SSBP3: variants seen among roughly 807,000 people sequenced by gnomAD.
SSBP3 encodes single stranded DNA binding protein 3.
SSBP3 carries 5 observed loss-of-function variants against 69.6 expected under a neutral mutation model. The ratio of observed to expected loss-of-function variants is 0.07; its 90% confidence interval spans 0.04 to 0.15. The LOEUF (loss-of-function observed/expected upper bound fraction) is 0.15. Ranked by LOEUF, SSBP3 falls within the 10% of genes least tolerant of loss-of-function variation. SSBP3 has a pLI of 1.00. For missense variants in SSBP3, 312 were observed against 534.0 expected, an observed-to-expected ratio of 0.58 and a Z score of 4.10; for synonymous variants, 196 against 193.4, an observed-to-expected ratio of 1.01 and a Z score of -0.11.
intron 4 of SSBP3, among the ~76,000 whole-genome samples, chr1:54,341,568 G>A (rs1404780467): frequency 2.0e-5 from 3 of 152,090 alleles, no homozygotes; most frequent in Non-Finnish European, 4.4e-5. Flanking sequence ...GGATGACCAA[G>A]GGCAAAAGTG....
chr1:54,268,820 C>T (rs775709812), intron 5 of SSBP3, among the ~76,000 whole-genome samples: 3 of 152,160 alleles, frequency 2.0e-5, no homozygotes, highest in Non-Finnish European at 4.4e-5. Flanking sequence ...CACAGTCACA[C>T]GGGCAGGTGC....
chr1:54,343,866 CAGG>C (rs770889072), intron 4 of SSBP3, among the ~76,000 whole-genome samples: 3 of 152,146 alleles, frequency 2.0e-5, no homozygotes, highest in East Asian at 3.8e-4. Flanking sequence ...AGCTTTGGAC[CAGG>C]AGAAGGGGCT....
At chr1:54,320,548 GAC>G (rs1646193402) in intron 4 of SSBP3, among the ~76,000 whole-genome samples, 1 of 151,988 alleles carries the variant, frequency 6.6e-6, no homozygotes, top group Admixed American at 6.6e-5. Flanking sequence ...TTGATCTCCT[GAC>G]CTCGTGATCC....
chr1:54,294,159 A>AAAAAAGAAAGAAAG (rs754650225), intron 4 of SSBP3, among the ~76,000 whole-genome samples: 8 of 86,194 alleles, frequency 9.3e-5, no homozygotes, highest in African/African-American at 3.3e-4. Flanking sequence ...AAAAAAAAAA[A>AAAAAAGAAAGAAAG]AAAGAAAGAA....
intron 4 of SSBP3, among the ~76,000 whole-genome samples, chr1:54,294,159 A>AAAAAAAGAAAG (rs754650225): frequency 7.0e-5 from 6 of 86,160 alleles, no homozygotes; most frequent in Non-Finnish European, 1.4e-4. Flanking sequence ...AAAAAAAAAA[A>AAAAAAAGAAAG]AAAGAAAGAA....
chr1:54,262,215 G>A (rs1028384779), intron 5 of SSBP3, among the ~76,000 whole-genome samples: 9 of 152,072 alleles, frequency 5.9e-5, no homozygotes, highest in Non-Finnish European at 5.9e-5. Flanking sequence ...ATCTAATCCC[G>A]GACTCCTCGC....
intron 7 of SSBP3, among the ~76,000 whole-genome samples, chr1:54,254,127 G>C (rs1414322413): frequency 6.6e-6 from 1 of 152,204 alleles, no homozygotes; most frequent in Non-Finnish European, 1.5e-5. Flanking sequence ...CTCATATATG[G>C]GACCATAATT....
chr1:54,253,034 C>T (rs1029309053), intron 7 of SSBP3, among the ~76,000 whole-genome samples: 1 of 151,990 alleles, frequency 6.6e-6, no homozygotes, highest in Non-Finnish European at 1.5e-5. Context: ...TGGTGGAAAG[C>T]GAAGGGACAG....
At chr1:54,386,542 T>G (rs1329571930) in intron 4 of SSBP3, among the ~76,000 whole-genome samples, 2 of 151,942 alleles carry the variant, frequency 1.3e-5, no homozygotes, top group African/African-American at 4.8e-5. Flanking sequence ...CGTATTCCAG[T>G]GTCAGCAGGG....
At chr1:54,243,380 CAT>C in intron 9 of SSBP3, 81 bp from the exon 10 acceptor site, 1 of 1,494,326 alleles carries the variant, frequency 6.7e-7, no homozygotes. Flanking sequence ...ACAGACAAAA[CAT>C]AGTGAGAGGG....
intron 4 of SSBP3, among the ~76,000 whole-genome samples, chr1:54,384,169 G>C (rs181980529): frequency 6.6e-6 from 1 of 150,894 alleles, no homozygotes; most frequent in African/African-American, 2.4e-5. Context: ...TCTAGCCCGA[G>C]AGGCCTCAGA....
chr1:54,404,742 A>C, intron 2 of SSBP3, 105 bp from the exon 3 acceptor site: 1 of 1,392,280 alleles, frequency 7.2e-7, no homozygotes, highest in Non-Finnish European at 1.0e-6. Flanking sequence ...TAAATGCCAA[A>C]AGGTGATAAA....
chr1:54,264,183 C>T (rs1215412931), intron 5 of SSBP3, among the ~76,000 whole-genome samples: 1 of 151,914 alleles, frequency 6.6e-6, no homozygotes, highest in Non-Finnish European at 1.5e-5. Flanking sequence ...GCGCCTGTGG[C>T]CCCAGTTACT....
chr1:54,370,123 C>T (rs562504707), intron 4 of SSBP3, among the ~76,000 whole-genome samples: 152 of 152,180 alleles, frequency 1.0e-3, no homozygotes, highest in Non-Finnish European at 1.4e-3. Flanking sequence ...TGCAAGCAAA[C>T]CTTCTTCAGT....
At chr1:54,352,686 T>C (rs1380806743) in intron 4 of SSBP3, among the ~76,000 whole-genome samples, 1 of 152,190 alleles carries the variant, frequency 6.6e-6, no homozygotes, top group Non-Finnish European at 1.5e-5. Flanking sequence ...CGTTTGACCA[T>C]GCGAGCATCT....
intron 4 of SSBP3, among the ~76,000 whole-genome samples, chr1:54,388,915 C>A (rs996915324): frequency 2.0e-5 from 3 of 152,232 alleles, no homozygotes; most frequent in Non-Finnish European, 4.4e-5. Context: ...AGAGGTCAAC[C>A]CTGGCCATGC....
intron 4 of SSBP3, among the ~76,000 whole-genome samples, chr1:54,285,825 C>T (rs1209700036): frequency 1.3e-5 from 2 of 152,210 alleles, no homozygotes; most frequent in African/African-American, 2.4e-5. Context: ...AAGTCCCCCA[C>T]GGAAGAAGAG....
chr1:54,228,137 C>A, intron 17 of SSBP3, 118 bp downstream of exon 17: 1 of 959,132 alleles, frequency 1.0e-6, no homozygotes, highest in Non-Finnish European at 1.7e-6. Flanking sequence ...GTGGAAAAAC[C>A]ATAACACGGC....
intron 4 of SSBP3, among the ~76,000 whole-genome samples, chr1:54,388,667 C>CT (rs1648259221): frequency 6.6e-6 from 1 of 152,206 alleles, no homozygotes; most frequent in Admixed American, 6.5e-5. Context: ...TATGGGACCC[C>CT]TGCCTTGGGA....
Sources: allele counts gnomAD v4.1 joint callset (sites outside exome capture counted in the v4.1 genomes callset), GRCh38; gene constraint gnomAD v4.1.1; transcripts MANE v1.5; gene names NCBI Gene and HGNC (gene_info 2026-07-23, HGNC 2026-07-21).